Variants in UNC13C observed in about 807,000 individuals in gnomAD.
UNC13C encodes protein unc-13 homolog C.
UNC13C carries 174 observed loss-of-function variants against 245.4 expected under a neutral mutation model. That is an observed-to-expected ratio of 0.71 (90% CI 0.63 to 0.80). UNC13C has a LOEUF of 0.80. Ranked by LOEUF, UNC13C falls within the 30% of genes least tolerant of loss-of-function variation. The pLI is 0.00. For missense variants in UNC13C, 2,829 were observed against 2,602.9 expected (o/e 1.09, Z -1.89); for synonymous variants, 992 against 895.1 (o/e 1.11, Z -1.93).
intron 2 of UNC13C, among the ~76,000 whole-genome samples, chr15:54,134,393 T>G (rs1214659476): frequency 1.3e-5 from 2 of 150,246 alleles, no homozygotes; most frequent in Non-Finnish European, 3.0e-5. Context: ...GGCAGGAGTT[T>G]TTTCTTTTTA....
intron 19 of UNC13C, among the ~76,000 whole-genome samples, chr15:54,481,504 C>T (rs947400595): frequency 3.9e-5 from 6 of 152,082 alleles, no homozygotes; most frequent in African/African-American, 7.2e-5. Context: ...TACCTGCAGT[C>T]GGCAGGTGGG....
chr15:54,028,567 C>T (rs558757033), intron 2 of UNC13C, among the ~76,000 whole-genome samples: 4 of 152,118 alleles, frequency 2.6e-5, no homozygotes, highest in South Asian at 2.1e-4. Flanking sequence ...TCATCTCCTG[C>T]GAGGCAAGTG....
the UNC13C span, among the ~76,000 whole-genome samples, chr15:53,854,029 T>C: frequency 6.6e-6 from 1 of 152,164 alleles, no homozygotes; most frequent in Non-Finnish European, 1.5e-5. Flanking sequence ...TTTGCTTTTG[T>C]TGCAATTGCT....
intron 10 of UNC13C, among the ~76,000 whole-genome samples, chr15:54,280,900 C>T (rs1249350124): frequency 6.6e-6 from 1 of 151,730 alleles, no homozygotes; most frequent in Non-Finnish European, 1.5e-5. Context: ...CAGGCTCAAG[C>T]GATTTTCCTG....
intron 8 of UNC13C, among the ~76,000 whole-genome samples, chr15:54,261,165 T>G (rs1340071442): frequency 6.6e-6 from 1 of 152,162 alleles, no homozygotes; most frequent in Non-Finnish European, 1.5e-5. Flanking sequence ...CAATTGTTGA[T>G]CTCTGGTTGG....
chr15:54,461,626 T>C (rs537987064), intron 19 of UNC13C, among the ~76,000 whole-genome samples: 1 of 152,238 alleles, frequency 6.6e-6, no homozygotes, highest in Admixed American at 6.5e-5. Context: ...AGAGAAAAAT[T>C]GATAATGCAG....
chr15:54,010,231 G>C (rs1895321233), intron 1 of UNC13C, among the ~76,000 whole-genome samples: 1 of 152,108 alleles, frequency 6.6e-6, no homozygotes, highest in South Asian at 2.1e-4. Context: ...TATGTATAAA[G>C]GAATATAAAA....
At chr15:53,859,807 A>G in the UNC13C span, among the ~76,000 whole-genome samples, 45 of 152,118 alleles carry the variant, frequency 3.0e-4, no homozygotes, top group South Asian at 8.9e-3. Flanking sequence ...TCTGATACCT[A>G]TTTGTATTAT....
At chr15:54,565,927 C>A (rs972816465) in intron 29 of UNC13C, among the ~76,000 whole-genome samples, 2 of 151,848 alleles carry the variant, frequency 1.3e-5, no homozygotes, top group African/African-American at 2.4e-5. Flanking sequence ...TTTTGGTTTT[C>A]CTTCCCTCTC....
chr15:54,195,871 G>T (rs2034336710), intron 4 of UNC13C, among the ~76,000 whole-genome samples: 1 of 151,974 alleles, frequency 6.6e-6, no homozygotes, highest in African/African-American at 2.4e-5. Flanking sequence ...ACCAAAGCTG[G>T]TATATTAATT....
chr15:54,125,519 T>C (rs2030979777), intron 2 of UNC13C, among the ~76,000 whole-genome samples: 1 of 152,184 alleles, frequency 6.6e-6, no homozygotes, highest in Non-Finnish European at 1.5e-5. Context: ...TAAGCCTTTA[T>C]ATAAATTTGG....
chr15:54,137,089 C>T (rs370930584), intron 2 of UNC13C, among the ~76,000 whole-genome samples: 9 of 152,142 alleles, frequency 5.9e-5, no homozygotes, highest in African/African-American at 2.2e-4. Context: ...AGTGATCTGC[C>T]CACTTGGGCC....
Position 54,383,219 on chromosome 15 carries a change from CCAGA to C in UNC13C, c.4714-9826_4714-9823del, listed in dbSNP as rs550320620. Among the ~76,000 whole-genome samples, 333 of 152,218 alleles carry C rather than the reference CCAGA, an allele frequency of 2.2e-3. 2 individuals carry two copies. Among genetic ancestry groups the C allele is most frequent in the African/African-American group, 7.2e-3 (301 of 41,528 alleles). ...GGCTAGCATTTTCCTAATACTCAAA[CCAGA>C]CAAAGATACACACAAAAAAGCTATA... On this transcript the variant is annotated intron_variant, in intron 17 of 32. Coordinates refer to ENST00000260323, the MANE Select transcript of UNC13C (RefSeq NM_001080534.3).
intron 4 of UNC13C, among the ~76,000 whole-genome samples, chr15:54,184,168 A>G (rs938517721): frequency 6.6e-6 from 1 of 152,168 alleles, no homozygotes; most frequent in Admixed American, 6.6e-5. Context: ...AAACTTAACA[A>G]GAAAGAAAGC....
chr15:54,584,968 C>T (rs765683408), intron 30 of UNC13C, among the ~76,000 whole-genome samples: 1 of 152,216 alleles, frequency 6.6e-6, no homozygotes, highest in East Asian at 1.9e-4. Context: ...TAAAGTGATG[C>T]TATGGCCATT....
chr15:54,049,243 G>A lies in UNC13C; in HGVS notation c.2983+33357G>A, dbSNP rs1042114438. 3.1e-5 allele frequency: 16 copies of A among 513,758 alleles called. 1 individual carries two copies. Among genetic ancestry groups the A allele is most frequent in the South Asian group, 2.5e-4 (16 of 63,106 alleles). The allele number at this position is 513,758 out of a possible 1,614,324, so 31.8% of individuals were successfully genotyped here. A position where few individuals can be genotyped will look rare whatever the true frequency, so the allele number is the denominator to read the frequency against. Reference sequence around the variant, plus strand: ...CATTGCTATGGTATCATTACTCAGAGACACAGTCTGTGCATTCAGAATATG... The same window carrying A: ...CATTGCTATGGTATCATTACTCAGAAACACAGTCTGTGCATTCAGAATATG... On this transcript the variant is annotated intron_variant, in intron 2 of 32. Transcript: ENST00000260323.
intron 19 of UNC13C, among the ~76,000 whole-genome samples, chr15:54,441,951 G>T (rs1391420450): frequency 1.3e-5 from 2 of 151,634 alleles, no homozygotes; most frequent in Non-Finnish European, 2.9e-5. Flanking sequence ...TTTTAAATGG[G>T]ATTTTCTTCT....
Position 54,406,449 on chromosome 15 carries a change from T to G in UNC13C, c.4848-8533T>G, listed in dbSNP as rs74016603. Among the ~76,000 whole-genome samples the G allele has an allele frequency of 2.5e-3, 377 of 152,330 alleles. 3 individuals carry two copies. The highest frequency in any genetic ancestry group is 8.6e-3 in the African/African-American group (358 of 41,576). On this transcript the variant is annotated intron_variant, in intron 18 of 32. Coordinates refer to ENST00000260323, the MANE Select transcript of UNC13C (RefSeq NM_001080534.3). ...GGAAAATCATAAAGTCCTAACTGCA[T>G]GTGCCATTTCTCAGATTCCTTCCAC... is the stretch of plus-strand genomic sequence containing the variant.
At chr15:54,140,687 C>T (rs138802445) in intron 2 of UNC13C, among the ~76,000 whole-genome samples, 27 of 152,280 alleles carry the variant, frequency 1.8e-4, no homozygotes, top group Non-Finnish European at 2.6e-4. Flanking sequence ...TTTCAAAGAA[C>T]ATGGCACAGA....
Sources: allele counts gnomAD v4.1 joint callset (sites outside exome capture counted in the v4.1 genomes callset), GRCh38; gene constraint gnomAD v4.1.1; transcripts MANE v1.5; gene names NCBI Gene and HGNC (gene_info 2026-07-23, HGNC 2026-07-21).